Variants in CACNA1D observed in about 807,000 individuals in gnomAD.
CACNA1D encodes the protein calcium voltage-gated channel subunit alpha1 D, also known as voltage-dependent L-type calcium channel subunit alpha-1D.
In CACNA1D, 55 loss-of-function variants were observed where a neutral mutation model predicts 257.1. The observed-to-expected ratio is 0.21, with a 90% CI of 0.17 to 0.27. The LOEUF (loss-of-function observed/expected upper bound fraction) is 0.27. Among genes scored for constraint, CACNA1D ranks in the 10% least tolerant of loss-of-function variants. The pLI is 1.00. For synonymous variants in CACNA1D, 980 were observed against 1,014.9 expected, an observed-to-expected ratio of 0.97 and a Z score of 0.65; for missense variants, 1,876 against 2,784.0, an observed-to-expected ratio of 0.67 and a Z score of 7.34.
chr3:53,805,207 A>G (rs1259207415), intron 45 of CACNA1D, 61 bp downstream of exon 45: 2 of 1,506,862 alleles, frequency 1.3e-6, no homozygotes, highest in Middle Eastern at 1.9e-4. Context: ...CTCTCCCCCA[A>G]CCCCCGCTCT....
At chr3:53,767,579 A>AAAAAC (rs1427694084) in intron 30 of CACNA1D, among the ~76,000 whole-genome samples, 1 of 151,656 alleles carries the variant, frequency 6.6e-6, no homozygotes, top group African/African-American at 2.4e-5. Flanking sequence ...AAAAAAAAAA[A>AAAAAC]AACAACAAAA....
At chr3:53,638,630 A>G (rs1183706150) in intron 3 of CACNA1D, among the ~76,000 whole-genome samples, 1 of 152,168 alleles carries the variant, frequency 6.6e-6, no homozygotes, top group Non-Finnish European at 1.5e-5. Context: ...TGGTGTCTGT[A>G]TTCTCATTTT....
At chr3:53,592,770 C>T (rs2093322754) in intron 3 of CACNA1D, among the ~76,000 whole-genome samples, 1 of 152,040 alleles carries the variant, frequency 6.6e-6, no homozygotes, top group African/African-American at 2.4e-5. Context: ...ATGGCACAAC[C>T]TCAGCTCACT....
chr3:53,702,871 C>A, intron 9 of CACNA1D, 61 bp downstream of exon 9: 1 of 1,578,806 alleles, frequency 6.3e-7, no homozygotes, highest in Non-Finnish European at 8.7e-7. Flanking sequence ...AGACGCCTAG[C>A]AGTAGGCCTT....
intron 29 of CACNA1D, among the ~76,000 whole-genome samples, chr3:53,760,787 A>T (rs2095296881): frequency 6.6e-6 from 1 of 152,246 alleles, no homozygotes; most frequent in Non-Finnish European, 1.5e-5. Flanking sequence ...CAACCAGACA[A>T]AGCTGGATGA....
intron 3 of CACNA1D, among the ~76,000 whole-genome samples, chr3:53,532,676 T>G (rs2091986668): frequency 6.6e-6 from 1 of 152,218 alleles, no homozygotes. Flanking sequence ...GTATATTGCT[T>G]TTATGTTTTT....
intron 15 of CACNA1D, among the ~76,000 whole-genome samples, chr3:53,727,523 CTT>C (rs1161137714): frequency 6.6e-6 from 1 of 152,164 alleles, no homozygotes; most frequent in Non-Finnish European, 1.5e-5. Flanking sequence ...TGCTGCATAA[CTT>C]CTCTCTGCCT....
At chr3:53,623,180 G>C (rs994302461) in intron 3 of CACNA1D, among the ~76,000 whole-genome samples, 7 of 152,200 alleles carry the variant, frequency 4.6e-5, no homozygotes, top group African/African-American at 1.7e-4. Context: ...GAGCCACCGC[G>C]CCCGGCCGAA....
intron 37 of CACNA1D, among the ~76,000 whole-genome samples, chr3:53,779,492 C>A (rs2095415175): frequency 6.6e-6 from 1 of 151,980 alleles, no homozygotes; most frequent in Non-Finnish European, 1.5e-5. Context: ...GGAATTGGCT[C>A]ACGTGATCAT....
intron 4 of CACNA1D, among the ~76,000 whole-genome samples, chr3:53,654,575 T>C (rs1382452663): frequency 6.6e-6 from 1 of 152,090 alleles, no homozygotes; most frequent in Non-Finnish European, 1.5e-5. Context: ...CCAAATCTAG[T>C]TTGAGCCTTT....
intron 30 of CACNA1D, among the ~76,000 whole-genome samples, chr3:53,767,944 C>T (rs2095343720): frequency 1.3e-5 from 2 of 152,338 alleles, no homozygotes; most frequent in East Asian, 3.9e-4. Flanking sequence ...TTCCTTCCTC[C>T]CTCCCTCGCA....
At chr3:53,699,658 T>C (rs946532601) in intron 8 of CACNA1D, among the ~76,000 whole-genome samples, 2 of 152,212 alleles carry the variant, frequency 1.3e-5, no homozygotes, top group African/African-American at 4.8e-5. Flanking sequence ...TTCTACTGTA[T>C]AAACCTCACC....
chr3:53,797,330 GA>G (rs2095512154), intron 40 of CACNA1D, among the ~76,000 whole-genome samples: 1 of 152,142 alleles, frequency 6.6e-6, no homozygotes, highest in African/African-American at 2.4e-5. Context: ...AGTCGTGGGG[GA>G]CAGCCTGACC....
Position 53,727,037 on chromosome 3 carries a change from G to A in CACNA1D, c.2221+38G>A, listed in dbSNP as rs768391356. The A allele has an allele frequency of 1.2e-5, 19 of 1,612,996 alleles. No homozygotes were observed. The Admixed American group carries it at 1.5e-4, about 13-fold the overall frequency. The stretch of plus-strand genomic sequence containing the variant: ...CCGACCAGGCTTTGTTGTTGCCGTC[G>A]TTATCTGGTTTTGTTTTTCTTCCTC... On this transcript the variant is annotated intron_variant, in intron 15 of 47. Coordinates refer to ENST00000350061, the MANE Select transcript of CACNA1D (RefSeq NM_001128840.3).
chr3:53,781,495 C>A, intron 38 of CACNA1D, 71 bp from the exon 39 acceptor site: 1 of 993,414 alleles, frequency 1.0e-6, no homozygotes, highest in Admixed American at 1.8e-5. Flanking sequence ...TGGGACAAGG[C>A]TGTGCAAGCA....
intron 3 of CACNA1D, among the ~76,000 whole-genome samples, chr3:53,524,443 A>G (rs1224259093): frequency 6.6e-6 from 1 of 152,248 alleles, no homozygotes; most frequent in Non-Finnish European, 1.5e-5. Flanking sequence ...AAACTACAAG[A>G]TACATTTAAG....
chr3:53,761,399 T>C (rs2095301086), intron 29 of CACNA1D, among the ~76,000 whole-genome samples: 1 of 152,198 alleles, frequency 6.6e-6, no homozygotes, highest in Admixed American at 6.5e-5. Context: ...GGTGCCTGTG[T>C]CCCCGTAAGC....
intron 3 of CACNA1D, among the ~76,000 whole-genome samples, chr3:53,599,787 C>T (rs2093418771): frequency 6.6e-6 from 1 of 152,204 alleles, no homozygotes; most frequent in East Asian, 1.9e-4. Flanking sequence ...AGTTTCCTCT[C>T]TGCTCCACCC....
At chr3:53,715,736 C>G (rs962040262) in intron 9 of CACNA1D, among the ~76,000 whole-genome samples, 1 of 152,212 alleles carries the variant, frequency 6.6e-6, no homozygotes, top group Non-Finnish European at 1.5e-5. Flanking sequence ...CTATCCCAAC[C>G]CAGCTGAAGG....
Sources: allele counts gnomAD v4.1 joint callset (sites outside exome capture counted in the v4.1 genomes callset), GRCh38; gene constraint gnomAD v4.1.1; transcripts MANE v1.5; gene names NCBI Gene and HGNC (gene_info 2026-07-23, HGNC 2026-07-21).